Variants in DSCAM observed in about 807,000 individuals in gnomAD.
DSCAM encodes the protein DS cell adhesion molecule, also known as cell adhesion molecule DSCAM.
A neutral mutation model predicts 217.7 loss-of-function variants in DSCAM; 47 were observed. That is an observed-to-expected ratio of 0.22 (90% confidence interval 0.17 to 0.28). The LOEUF is 0.28. DSCAM is among the 10% of genes least tolerant of loss of function. The pLI is 1.00. For missense variants in DSCAM, 2,080 were observed against 2,618.3 expected (o/e 0.79, Z 4.49); for synonymous variants, 1,056 against 1,015.3 (o/e 1.04, Z -0.76).
chr21:40,520,447 T>G (rs955827682), intron 3 of DSCAM, among the ~76,000 whole-genome samples: 9 of 152,182 alleles, frequency 5.9e-5, no homozygotes, highest in African/African-American at 2.2e-4. Flanking sequence ...CATTAAATAT[T>G]TTTATATTTT....
At chr21:40,479,608 A>C (rs1194954624) in intron 3 of DSCAM, among the ~76,000 whole-genome samples, 3 of 152,172 alleles carry the variant, frequency 2.0e-5, no homozygotes, top group African/African-American at 7.2e-5. Context: ...CCTTTATAAA[A>C]CTATCAGATC....
rs201672838 is a variant in DSCAM at position 40,121,681 on chromosome 21, C to CTTTTT, written c.3696+2509_3696+2513dup. ...CTGGTGGGTTTGCTCTCATTACTGTCTTTTTTTTTTTTTTTTTTTTTTTTT... is the reference window on the plus strand; with the variant it reads ...CTGGTGGGTTTGCTCTCATTACTGTCTTTTTTTTTTTTTTTTTTTTTTTTTTTTTT... On this transcript the variant is annotated intron_variant, in intron 20 of 32. Coordinates refer to ENST00000400454, the MANE Select transcript of DSCAM (RefSeq NM_001389.5). Among the ~76,000 whole-genome samples the CTTTTT allele has an allele frequency of 3.6e-3, 265 of 73,728 alleles. 29 individuals are homozygous for CTTTTT. Among genetic ancestry groups the CTTTTT allele is most frequent in the East Asian group, 0.016 (53 of 3,250 alleles). The allele number at this position is 73,728 out of a possible 152,430, so 48.4% of individuals were successfully genotyped here. A position where few individuals can be genotyped will look rare whatever the true frequency, so the allele number is the denominator to read the frequency against.
intron 11 of DSCAM, among the ~76,000 whole-genome samples, chr21:40,220,798 G>A (rs149145143): frequency 9.2e-5 from 14 of 152,288 alleles, no homozygotes; most frequent in African/African-American, 2.2e-4. Flanking sequence ...TGTGAAAAGC[G>A]GTAGGAAATG....
intron 3 of DSCAM, among the ~76,000 whole-genome samples, chr21:40,386,466 C>T (rs1403219639): frequency 1.3e-5 from 2 of 152,158 alleles, no homozygotes; most frequent in Non-Finnish European, 2.9e-5. Flanking sequence ...CCGCCCACGC[C>T]GGGCCGCTGC....
intron 3 of DSCAM, among the ~76,000 whole-genome samples, chr21:40,518,678 G>C (rs924043856): frequency 1.5e-5 from 2 of 134,758 alleles, no homozygotes; most frequent in Non-Finnish European, 3.1e-5. Context: ...GTATGTGTGT[G>C]TATGTATATA....
At chr21:40,626,420 T>C (rs2089601879) in intron 3 of DSCAM, among the ~76,000 whole-genome samples, 1 of 152,190 alleles carries the variant, frequency 6.6e-6, no homozygotes, top group Non-Finnish European at 1.5e-5. Context: ...ACTCCCCATC[T>C]CTAGTAGCAA....
intron 19 of DSCAM, among the ~76,000 whole-genome samples, chr21:40,132,431 G>A (rs1412140598): frequency 6.6e-6 from 1 of 152,184 alleles, no homozygotes; most frequent in Non-Finnish European, 1.5e-5. Context: ...TAGCTTTCTA[G>A]ATATCTCTAT....
intron 3 of DSCAM, among the ~76,000 whole-genome samples, chr21:40,473,032 G>A (rs1030444367): frequency 1.6e-4 from 24 of 152,122 alleles, no homozygotes; most frequent in Admixed American, 1.1e-3. Flanking sequence ...TACGGGGCAC[G>A]GATTTATTTG....
At chr21:40,135,595 C>A (rs557492618) in intron 18 of DSCAM, among the ~76,000 whole-genome samples, 2 of 152,256 alleles carry the variant, frequency 1.3e-5, no homozygotes, top group East Asian at 3.9e-4. Flanking sequence ...CCAGATTAAA[C>A]GGGCTTTTGC....
At chr21:40,426,096 A>C (rs1601633715) in intron 3 of DSCAM, among the ~76,000 whole-genome samples, 1 of 152,220 alleles carries the variant, frequency 6.6e-6, no homozygotes, top group African/African-American at 2.4e-5. Context: ...GGCTGGCCCC[A>C]TACTACTCCA....
chr21:40,430,018 A>G (rs2075515333), intron 3 of DSCAM, among the ~76,000 whole-genome samples: 1 of 152,344 alleles, frequency 6.6e-6, no homozygotes, highest in Middle Eastern at 3.4e-3. Context: ...ATACAAATGA[A>G]CAAAAAATAA....
intron 8 of DSCAM, among the ~76,000 whole-genome samples, chr21:40,334,028 T>C (rs1864131477): frequency 6.6e-6 from 1 of 152,176 alleles, no homozygotes; most frequent in African/African-American, 2.4e-5. Flanking sequence ...CTTGTTTGAA[T>C]TTTTGTCAGA....
At chr21:40,725,516 A>C (rs536732080) in intron 1 of DSCAM, among the ~76,000 whole-genome samples, 2 of 152,316 alleles carry the variant, frequency 1.3e-5, no homozygotes, top group East Asian at 3.9e-4. Context: ...ATATCAACAG[A>C]CTGTTCGTAT....
chr21:40,667,981 G>A (rs1349509550), intron 3 of DSCAM, among the ~76,000 whole-genome samples: 3 of 152,064 alleles, frequency 2.0e-5, no homozygotes. Flanking sequence ...TATTTCCCCA[G>A]TACCTTCCTT....
chr21:40,563,854 G>A (rs1465379925), intron 3 of DSCAM, among the ~76,000 whole-genome samples: 4 of 149,916 alleles, frequency 2.7e-5, no homozygotes, highest in African/African-American at 9.8e-5. Context: ...GTTTATATAT[G>A]TTTATATGTT....
chr21:40,816,700 T>C (rs2091884469), intron 1 of DSCAM, among the ~76,000 whole-genome samples: 1 of 152,172 alleles, frequency 6.6e-6, no homozygotes, highest in African/African-American at 2.4e-5. Flanking sequence ...GGAACTGAAG[T>C]CCTAGCCCAA....
rs556790460 is a variant in DSCAM, at chr21:40,073,174, G to C, written c.4888+1863C>G. 8.7e-4 allele frequency among the ~76,000 whole-genome samples: 132 copies of C among 152,276 alleles called. 1 individual carries two copies. The highest frequency in any genetic ancestry group is 2.4e-3 in the Admixed American group (37 of 15,300). On this transcript the variant is annotated intron_variant, in intron 27 of 32. Coordinates refer to ENST00000400454, the MANE Select transcript of DSCAM (RefSeq NM_001389.5). ...AGCTGGGGTGCTCAAGTTCGAAGGT[G>C]AGTAGGAAAAATAAAATAGTAGCTG... is the stretch of plus-strand genomic sequence containing the variant.
chr21:40,375,533 C>T (rs2074941739), intron 3 of DSCAM, among the ~76,000 whole-genome samples: 1 of 152,182 alleles, frequency 6.6e-6, no homozygotes, highest in Non-Finnish European at 1.5e-5. Context: ...GTTTTTAAGT[C>T]AAATTTCCAG....
intron 3 of DSCAM, among the ~76,000 whole-genome samples, chr21:40,399,236 C>T (rs1033550809): frequency 1.3e-5 from 2 of 152,078 alleles, no homozygotes; most frequent in African/African-American, 4.8e-5. Context: ...TGCCACTGCA[C>T]TTCAGCCTGG....
Sources: allele counts gnomAD v4.1 joint callset (sites outside exome capture counted in the v4.1 genomes callset), GRCh38; gene constraint gnomAD v4.1.1; transcripts MANE v1.5; gene names NCBI Gene and HGNC (gene_info 2026-07-23, HGNC 2026-07-21).